The following IPMK variants were observed in gnomAD, a reference collection of about 807,000 sequenced individuals.
The protein encoded by IPMK is inositol 1,3,4,6-tetrakisphosphate 5-kinase.
IPMK carries 17 observed loss-of-function variants against 45.8 expected under a neutral mutation model. The observed-to-expected ratio is 0.37, with a 90% CI of 0.25 to 0.56. The LOEUF (loss-of-function observed/expected upper bound fraction) is 0.56, where lower values mean the gene tolerates loss of function less well. Among genes scored for constraint, IPMK ranks in the 20% least tolerant of loss-of-function variants. The pLI is 0.79. For synonymous variants in IPMK, 180 were observed against 184.3 expected, an observed-to-expected ratio of 0.98 and a Z score of 0.19; for missense variants, 399 against 498.0, an observed-to-expected ratio of 0.80 and a Z score of 1.89.
intron 5 of IPMK, among the ~76,000 whole-genome samples, chr10:58,197,039 G>C (rs568589970): frequency 2.0e-5 from 3 of 152,152 alleles, no homozygotes; most frequent in African/African-American, 7.2e-5. Context: ...GGTGGCTCAC[G>C]CCTGTAATCC....
At chr10:58,236,030 A>G (rs1007823351) in intron 2 of IPMK, among the ~76,000 whole-genome samples, 4 of 151,844 alleles carry the variant, frequency 2.6e-5, no homozygotes, top group African/African-American at 9.7e-5. Flanking sequence ...CCGGGTTCAA[A>G]TGATTTTCCT....
At chr10:58,264,916 A>C (rs1188363994) in intron 1 of IPMK, among the ~76,000 whole-genome samples, 2 of 152,206 alleles carry the variant, frequency 1.3e-5, no homozygotes, top group Non-Finnish European at 1.5e-5. Context: ...CAAAGGCCTG[A>C]AAGGATAGAC....
intron 3 of IPMK, among the ~76,000 whole-genome samples, chr10:58,225,883 A>T (rs1174321959): frequency 2.0e-5 from 3 of 152,202 alleles, no homozygotes; most frequent in Admixed American, 1.3e-4. Flanking sequence ...TATATAGGGA[A>T]TGATGACCAA....
intron 5 of IPMK, 104 bp from the exon 6 acceptor site, chr10:58,196,802 T>A: frequency 1.3e-6 from 1 of 764,982 alleles, no homozygotes; most frequent in Non-Finnish European, 2.1e-6. Context: ...CATCATCCCT[T>A]AGAATTAAGT....
rs1418724760 is a variant in IPMK at position 58,258,251 on chromosome 10, A to C, written c.190+9171T>G. ...CTTGAACCCAGGAGGTGGAGGTTGCAGTGAGCCAAGACTATGCCACTGCAC... is the reference window on the plus strand; with the variant it reads ...CTTGAACCCAGGAGGTGGAGGTTGCCGTGAGCCAAGACTATGCCACTGCAC... On this transcript the variant is annotated intron_variant, in intron 1 of 5. Transcript: ENST00000373935. 2.0e-5 allele frequency among the ~76,000 whole-genome samples: 3 copies of C among 152,300 alleles called. No homozygotes were observed. In the South Asian group the frequency reaches 6.2e-4, roughly 32 times the overall value.
At chr10:58,212,526 G>T in intron 4 of IPMK, 1 of 201,784 alleles carries the variant, frequency 5.0e-6, no homozygotes, top group South Asian at 1.2e-4. Flanking sequence ...AGTAATTGCC[G>T]AATTTGTTAA....
intron 1 of IPMK, among the ~76,000 whole-genome samples, chr10:58,251,805 CT>C (rs1481474203): frequency 6.6e-6 from 1 of 152,176 alleles, no homozygotes; most frequent in East Asian, 1.9e-4. Flanking sequence ...GCTACTCCAG[CT>C]CTCTTTTGGT....
chr10:58,233,241 T>G (rs1158739861), intron 2 of IPMK, among the ~76,000 whole-genome samples: 1 of 152,090 alleles, frequency 6.6e-6, no homozygotes, highest in African/African-American at 2.4e-5. Context: ...CTACCAGAAG[T>G]ACAAAGAGGA....
chr10:58,229,793 C>T (rs967221163), intron 2 of IPMK, among the ~76,000 whole-genome samples: 41 of 152,052 alleles, frequency 2.7e-4, no homozygotes, highest in African/African-American at 8.0e-4. Context: ...ACGCAGAAGA[C>T]GGGTGATTTC....
intron 5 of IPMK, among the ~76,000 whole-genome samples, chr10:58,198,753 T>G (rs1837945129): frequency 6.6e-6 from 1 of 152,184 alleles, no homozygotes; most frequent in Non-Finnish European, 1.5e-5. Flanking sequence ...ACAGATTTTA[T>G]TTAAATCAGT....
At chr10:58,266,089 A>G (rs1326535318) in intron 1 of IPMK, among the ~76,000 whole-genome samples, 1 of 152,204 alleles carries the variant, frequency 6.6e-6, no homozygotes, top group South Asian at 2.1e-4. Context: ...GGAAATGTCT[A>G]TGCTGAGCAA....
At chr10:58,237,939 T>C in intron 1 of IPMK, 125 bp from the exon 2 acceptor site, 1 of 676,432 alleles carries the variant, frequency 1.5e-6, no homozygotes, top group Non-Finnish European at 2.6e-6. Context: ...TACTTTTACT[T>C]ATTTCAGAAA....
chr10:58,224,342 G>A (rs1034953477), intron 3 of IPMK, among the ~76,000 whole-genome samples: 8 of 152,136 alleles, frequency 5.3e-5, no homozygotes, highest in African/African-American at 1.9e-4. Flanking sequence ...GATGCTACAT[G>A]TATTAGCCTT....
chr10:58,211,521 G>T (rs1838159102), intron 4 of IPMK, among the ~76,000 whole-genome samples: 1 of 151,894 alleles, frequency 6.6e-6, no homozygotes, highest in Admixed American at 6.6e-5. Context: ...GTGTAAAACT[G>T]GTTACATGGT....
intron 1 of IPMK, among the ~76,000 whole-genome samples, chr10:58,246,780 C>T (rs915651188): frequency 6.6e-6 from 1 of 151,988 alleles, no homozygotes; most frequent in Non-Finnish European, 1.5e-5. Context: ...AAAGCAATGG[C>T]AACAAAAGCC....
At chr10:58,212,886 G>A (rs781638201) in intron 4 of IPMK, 4 of 233,948 alleles carry the variant, frequency 1.7e-5, no homozygotes, top group South Asian at 7.4e-5. Context: ...AGGCATTTCC[G>A]CCAATGAGCA....
At chr10:58,257,332 T>A (rs984442292) in intron 1 of IPMK, among the ~76,000 whole-genome samples, 1 of 151,894 alleles carries the variant, frequency 6.6e-6, no homozygotes, top group South Asian at 2.1e-4. Flanking sequence ...CTGTCTCTAC[T>A]AAAAACACAA....
At chr10:58,260,911 T>G (rs577478526) in intron 1 of IPMK, among the ~76,000 whole-genome samples, 28 of 152,186 alleles carry the variant, frequency 1.8e-4, no homozygotes, top group Admixed American at 1.2e-3. Context: ...GGAAAAGTAA[T>G]GAGTTGATTT....
chr10:58,234,941 A>G (rs1217610947), intron 2 of IPMK, among the ~76,000 whole-genome samples: 1 of 152,212 alleles, frequency 6.6e-6, no homozygotes, highest in Non-Finnish European at 1.5e-5. Context: ...AATATCCGGA[A>G]TCTACAACTA....
Sources: gnomAD v4.1 joint callset for allele counts (sites outside exome capture counted in the v4.1 genomes callset) on GRCh38, gnomAD v4.1.1 for gene constraint, MANE v1.5 for transcripts, NCBI Gene and HGNC (gene_info 2026-07-23, HGNC 2026-07-21) for gene names.